GRID2: variants seen among roughly 807,000 people sequenced by gnomAD.
GRID2 encodes glutamate ionotropic receptor delta type subunit 2, also known as glutamate receptor ionotropic, delta-2.
In GRID2, 33 loss-of-function variants were observed where a neutral mutation model predicts 114.8. The observed-to-expected ratio is 0.29, with a 90% CI of 0.22 to 0.38. GRID2 has a LOEUF of 0.38. GRID2 is among the 10% of genes least tolerant of loss of function. The pLI, the probability that GRID2 is intolerant of heterozygous loss-of-function variation, is 1.00. For missense variants in GRID2, 1,184 were observed against 1,257.7 expected (o/e 0.94, Z 0.89); for synonymous variants, 505 against 449.9 (o/e 1.12, Z -1.55).
At chr4:92,506,038 A>T (rs1256452613) in intron 1 of GRID2, among the ~76,000 whole-genome samples, 2 of 152,036 alleles carry the variant, frequency 1.3e-5, no homozygotes, top group East Asian at 3.9e-4. Flanking sequence ...GACTAAGCAC[A>T]TGAAAATGTA....
rs752581298 is a variant in GRID2, at chr4:93,422,925, A to C, written c.1502A>C (p.Glu501Ala). ...GATCACAAATACGGAAGCCCACAAG[A>C]AGATGGGACATGGAATGGCTTGGTA... ...APDHKYGSPQ[E>A]DGTWNGLVGE... The change falls in exon 10 of 16, where the codon GAA becomes GCA. Residue 501 changes from glutamate (E) to alanine (A), a missense_variant. Transcript: ENST00000282020. The C allele has an allele frequency of 2.5e-6, 4 of 1,613,822 alleles. No individual in the cohort carries two copies. The highest frequency in any genetic ancestry group is 2.5e-6 in the Non-Finnish European group (3 of 1,179,740).
chr4:93,631,457 C>T (rs551037931), intron 14 of GRID2, among the ~76,000 whole-genome samples: 13 of 152,256 alleles, frequency 8.5e-5, no homozygotes, highest in Admixed American at 3.9e-4. Flanking sequence ...TGAGTGAGAA[C>T]ATGCGGTGTT....
intron 1 of GRID2, among the ~76,000 whole-genome samples, chr4:92,470,791 C>T (rs1213627336): frequency 6.6e-6 from 1 of 151,880 alleles, no homozygotes; most frequent in Non-Finnish European, 1.5e-5. Flanking sequence ...TCAGTTATGA[C>T]TCATAATACA....
chr4:93,227,014 G>T (rs1242258912), intron 7 of GRID2, among the ~76,000 whole-genome samples: 2 of 152,144 alleles, frequency 1.3e-5, no homozygotes, highest in Non-Finnish European at 2.9e-5. Flanking sequence ...GTTGCTAGGT[G>T]GCCCTGGACA....
At chr4:92,888,704 G>T (rs1746540630) in intron 2 of GRID2, among the ~76,000 whole-genome samples, 1 of 151,680 alleles carries the variant, frequency 6.6e-6, no homozygotes, top group Non-Finnish European at 1.5e-5. Context: ...CCTATTTCAT[G>T]TTCTCATGAA....
At chr4:93,808,347 T>TTA in exon 2 of GRID2, 1 of 152,292 alleles carries the variant, frequency 6.6e-6, no homozygotes, top group South Asian at 2.1e-4. Context: ...AGTAAAAACA[T>TTA]TATATACTGT....
intron 2 of GRID2, among the ~76,000 whole-genome samples, chr4:92,965,472 A>C (rs1578623547): frequency 9.1e-5 from 5 of 55,102 alleles, no homozygotes; most frequent in East Asian, 5.4e-4. Context: ...AAAAAAAAAA[A>C]AAAAAAAAAA....
intron 13 of GRID2, among the ~76,000 whole-genome samples, chr4:93,543,939 CTT>C (rs1732928533): frequency 6.6e-6 from 1 of 152,150 alleles, no homozygotes; most frequent in East Asian, 1.9e-4. Context: ...GAACTATAAA[CTT>C]GCTTTTTATA....
intron 3 of GRID2, among the ~76,000 whole-genome samples, chr4:93,088,595 G>A (rs1342929326): frequency 6.6e-6 from 1 of 152,110 alleles, no homozygotes; most frequent in Non-Finnish European, 1.5e-5. Flanking sequence ...GAAGTTAATA[G>A]TATTTCAAGA....
chr4:93,221,631 G>C (rs541541393), intron 6 of GRID2, among the ~76,000 whole-genome samples: 5 of 152,038 alleles, frequency 3.3e-5, no homozygotes, highest in Non-Finnish European at 5.9e-5. Context: ...GGAGTCAAAG[G>C]CCTTACAAAT....
At chr4:92,636,794 CA>C (rs1731086201) in intron 2 of GRID2, among the ~76,000 whole-genome samples, 1 of 152,060 alleles carries the variant, frequency 6.6e-6, no homozygotes, top group Non-Finnish European at 1.5e-5. Flanking sequence ...CACAGTTGAA[CA>C]AGCCAAGCCT....
chr4:93,257,999 TACACACACACACAC>T (rs3970979), intron 8 of GRID2, among the ~76,000 whole-genome samples: 46 of 35,984 alleles, frequency 1.3e-3, no homozygotes, highest in African/African-American at 4.2e-3. Context: ...TATATATATA[TACACACACACACAC>T]ACACACACAC....
intron 10 of GRID2, among the ~76,000 whole-genome samples, chr4:93,423,841 T>A (rs540824749): frequency 2.3e-4 from 35 of 152,270 alleles, no homozygotes; most frequent in African/African-American, 8.4e-4. Context: ...ATAGTTGGGT[T>A]TAGGTTTATA....
chr4:92,478,315 C>A (rs776503785), intron 1 of GRID2, among the ~76,000 whole-genome samples: 2 of 152,060 alleles, frequency 1.3e-5, no homozygotes, highest in Middle Eastern at 3.2e-3. Context: ...TGGCTTTACC[C>A]CTACAACTTA....
At chr4:93,078,749 CTA>C in intron 2 of GRID2, among the ~76,000 whole-genome samples, 1 of 142,636 alleles carries the variant, frequency 7.0e-6, no homozygotes. Context: ...ACTGTATATA[CTA>C]AATATAATTA....
intron 1 of GRID2, among the ~76,000 whole-genome samples, chr4:92,529,307 T>C (rs960321755): frequency 6.6e-6 from 1 of 152,006 alleles, no homozygotes; most frequent in South Asian, 2.1e-4. Flanking sequence ...CAAACGTGTA[T>C]ACAAATCGTT....
intron 1 of GRID2, among the ~76,000 whole-genome samples, chr4:92,465,331 G>A (rs1027938896): frequency 1.3e-5 from 2 of 151,848 alleles, no homozygotes; most frequent in African/African-American, 4.8e-5. Context: ...AAAATGTTAT[G>A]TAATTAACAT....
intron 2 of GRID2, among the ~76,000 whole-genome samples, chr4:93,054,884 A>G (rs1039925729): frequency 6.6e-6 from 1 of 151,920 alleles, no homozygotes; most frequent in African/African-American, 2.4e-5. Context: ...AAGACATTTA[A>G]TCTTACAACT....
intron 1 of GRID2, among the ~76,000 whole-genome samples, chr4:93,795,575 C>T (rs115087952): frequency 0.015 from 2,340 of 151,906 alleles, 72 homozygotes; most frequent in African/African-American, 0.053. Context: ...TTCAAATTTA[C>T]CTTTATTGCT....
Sources: allele counts gnomAD v4.1 joint callset (sites outside exome capture counted in the v4.1 genomes callset), GRCh38; gene constraint gnomAD v4.1.1; transcripts MANE v1.5; gene names NCBI Gene and HGNC (gene_info 2026-07-23, HGNC 2026-07-21).